The following RGMB variants were observed in gnomAD, a reference collection of about 807,000 sequenced individuals.
RGMB encodes repulsive guidance molecule BMP co-receptor b, also known as repulsive guidance molecule B.
RGMB carries 16 observed loss-of-function variants against 26.9 expected under a neutral mutation model. The observed-to-expected ratio is 0.60, with a 90% CI of 0.40 to 0.90. The LOEUF is 0.90. Ranked by LOEUF, RGMB falls within the 40% of genes least tolerant of loss-of-function variation. RGMB has a pLI of 0.00. For synonymous variants in RGMB, 225 were observed against 229.3 expected (o/e 0.98, Z 0.17); for missense variants, 512 against 573.3 (o/e 0.89, Z 1.09).
chr5:98,770,094 G>T, upstream of RGMB: 1 of 152,700 alleles, frequency 6.5e-6, no homozygotes. Context: ...CTGGAGTGGA[G>T]TTCTTTCAGG....
rs114120408 is a variant in RGMB, at chr5:98,794,226, G to T, written c.*473G>T. The T allele has an allele frequency of 2.4e-3, 366 of 153,184 alleles. 2 individuals carry two copies. Among genetic ancestry groups the T allele is most frequent in the South Asian group, 6.0e-3 (29 of 4,858 alleles). The allele number at this position is 153,184 out of a possible 1,614,324, so 9.5% of individuals were successfully genotyped here. A position where few individuals can be genotyped will look rare whatever the true frequency, so the allele number is the denominator to read the frequency against. On this transcript the variant is annotated 3_prime_UTR_variant, in exon 3 of 3. Coordinates refer to ENST00000513185, the MANE Select transcript of RGMB (RefSeq NM_001366508.1). ...CGCCACCTTCCGGTGGAGCTGCCTCGTTCCTTTGAACTATGCCCTCACCCT... is the reference window on the plus strand; with the variant it reads ...CGCCACCTTCCGGTGGAGCTGCCTCTTTCCTTTGAACTATGCCCTCACCCT...
intron 2 of RGMB, among the ~76,000 whole-genome samples, chr5:98,786,649 C>T (rs1298115699): frequency 6.6e-6 from 1 of 152,194 alleles, no homozygotes; most frequent in Non-Finnish European, 1.5e-5. Context: ...TGCAGTAGAA[C>T]TTGCTCTTCC....
chr5:98,785,556 G>A (rs1746745698), intron 2 of RGMB, among the ~76,000 whole-genome samples: 1 of 152,164 alleles, frequency 6.6e-6, no homozygotes, highest in Non-Finnish European at 1.5e-5. Flanking sequence ...ACCTGCATCT[G>A]TATTTCCTCA....
At chr5:98,776,411 G>A (rs2112342420) in intron 1 of RGMB, among the ~76,000 whole-genome samples, 1 of 152,238 alleles carries the variant, frequency 6.6e-6, no homozygotes, top group East Asian at 1.9e-4. Context: ...CCTGAATAGA[G>A]ATCCAATATG....
At chr5:98,770,440 C>G, upstream of RGMB, 1 of 412,666 alleles carries the variant, frequency 2.4e-6, no homozygotes, top group Non-Finnish European at 4.4e-6. Flanking sequence ...GCTTTTTGCA[C>G]CTGCCGTTTT....
At chr5:98,772,742 G>A (rs1356596533), upstream of RGMB, 3 of 152,156 alleles carry the variant, frequency 2.0e-5, no homozygotes, top group Non-Finnish European at 4.4e-5. Context: ...ATCATAAAAG[G>A]AGAAAGTGAG....
intron 2 of RGMB, among the ~76,000 whole-genome samples, chr5:98,782,284 C>G (rs1401415618): frequency 6.6e-6 from 1 of 152,104 alleles, no homozygotes; most frequent in Admixed American, 6.6e-5. Context: ...AAAGAAAGGC[C>G]TAAATCTTAC....
At chr5:98,788,340 T>C (rs1746823216) in intron 2 of RGMB, among the ~76,000 whole-genome samples, 1 of 152,234 alleles carries the variant, frequency 6.6e-6, no homozygotes, top group African/African-American at 2.4e-5. Context: ...TTATAAGATA[T>C]TTGATATGTA....
In RGMB at chr5:98,793,817, CAT is replaced by C. The variant is rs1459119014; in HGVS notation, c.*66_*67del. The C allele has an allele frequency of 4.9e-6, 6 of 1,223,968 alleles. No individual in the cohort carries two copies. Among genetic ancestry groups the C allele is most frequent in the East Asian group, 5.1e-5 (2 of 39,178 alleles). 75.8% of individuals were successfully genotyped at this position (1,223,968 alleles called of 1,614,324 possible). ...AACAAAATTTTAAAATATATATTGT[CAT>C]AATATATTGAGTAAAAGAGTATATA... is the stretch of plus-strand genomic sequence containing the variant. On this transcript the variant is annotated 3_prime_UTR_variant, in exon 3 of 3. Coordinates refer to ENST00000513185, the MANE Select transcript of RGMB (RefSeq NM_001366508.1).
chr5:98,793,372 G>T lies in RGMB; in HGVS notation c.933G>T (p.Leu311=). The change falls in exon 3 of 3, where the codon CTG becomes CTT. Residue 311 remains leucine, a synonymous_variant. Transcript: ENST00000513185. The part of the protein sequence containing the change: ...MSYEESQDLQ[L]CVNGCPLSER... Reference sequence around the variant, plus strand: ...ACGAGGAGAGCCAGGACCTGCAGCTGTGCGTGAACGGCTGCCCCCTGAGTG... The same window carrying T: ...ACGAGGAGAGCCAGGACCTGCAGCTTTGCGTGAACGGCTGCCCCCTGAGTG... The T allele has an allele frequency of 6.2e-7, 1 of 1,613,632 alleles. No individual in the cohort carries two copies. Among genetic ancestry groups the T allele is most frequent in the Non-Finnish European group, 8.5e-7 (1 of 1,179,782 alleles).
intron 1 of RGMB, among the ~76,000 whole-genome samples, chr5:98,775,857 G>A (rs1198223301): frequency 2.6e-5 from 4 of 152,196 alleles, no homozygotes; most frequent in African/African-American, 7.2e-5. Flanking sequence ...GGAGTGAAGC[G>A]ATTAATCCTG....
intron 1 of RGMB, among the ~76,000 whole-genome samples, chr5:98,776,863 G>A (rs939951100): frequency 5.9e-5 from 9 of 152,210 alleles, no homozygotes; most frequent in African/African-American, 2.2e-4. Flanking sequence ...GAGGCGGGCA[G>A]ATCACCTGAG....
intron 1 of RGMB, among the ~76,000 whole-genome samples, chr5:98,775,170 C>T (rs1746358205): frequency 6.6e-6 from 1 of 152,108 alleles, no homozygotes; most frequent in Admixed American, 6.5e-5. Context: ...ACGTTCTGGT[C>T]TGGAGAATCC....
chr5:98,773,801 T>A lies in RGMB; in HGVS notation c.-270T>A. ...TCGTCTCAGCAGTCGCTCACGGTCT[T>A]TGTGTCTTCTCTTCCGCCCCTTTCC... On this transcript the variant is annotated 5_prime_UTR_variant, in exon 1 of 3. The change creates a new upstream start codon in the 5' untranslated region. Transcript: ENST00000513185. 1 of 446,252 alleles carries A rather than the reference T, an allele frequency of 2.2e-6. No individual in the cohort carries two copies. Among genetic ancestry groups the A allele is most frequent in the South Asian group, 4.7e-5 (1 of 21,450 alleles). 27.6% of individuals were successfully genotyped at this position (446,252 alleles called of 1,614,324 possible). A position where few individuals can be genotyped will look rare whatever the true frequency, so the allele number is the denominator to read the frequency against.
chr5:98,773,082 T>A (rs1746224756), upstream of RGMB: 1 of 152,142 alleles, frequency 6.6e-6, no homozygotes, highest in Non-Finnish European at 1.5e-5. Flanking sequence ...CGCCCCGAGC[T>A]TGCTTTACCA....
intron 2 of RGMB, among the ~76,000 whole-genome samples, chr5:98,783,504 G>C (rs987651425): frequency 2.0e-5 from 3 of 152,164 alleles, no homozygotes; most frequent in Non-Finnish European, 4.4e-5. Flanking sequence ...GTCAGTAGTT[G>C]TCCTGTGCCT....
intron 2 of RGMB, among the ~76,000 whole-genome samples, chr5:98,789,289 A>G (rs553915799): frequency 6.6e-6 from 1 of 152,200 alleles, no homozygotes; most frequent in Non-Finnish European, 1.5e-5. Flanking sequence ...ACACAGATAA[A>G]TGTTTCTTCC....
chr5:98,782,835 C>T (rs557926882), intron 2 of RGMB, among the ~76,000 whole-genome samples: 1 of 152,340 alleles, frequency 6.6e-6, no homozygotes, highest in South Asian at 2.1e-4. Context: ...TGAGCTCTGC[C>T]TGTTCCTAGG....
intron 2 of RGMB, among the ~76,000 whole-genome samples, chr5:98,785,837 C>T (rs1166113402): frequency 6.6e-6 from 1 of 152,098 alleles, no homozygotes; most frequent in East Asian, 1.9e-4. Context: ...GCTGTAGTTC[C>T]AGGTGGCAGT....
Sources: gnomAD v4.1 joint callset for allele counts (sites outside exome capture counted in the v4.1 genomes callset) on GRCh38, gnomAD v4.1.1 for gene constraint, MANE v1.5 for transcripts, NCBI Gene and HGNC (gene_info 2026-07-23, HGNC 2026-07-21) for gene names.